TENM4: variants seen among roughly 807,000 people sequenced by gnomAD.
TENM4 encodes teneurin-4.
A neutral mutation model predicts 243.3 loss-of-function variants in TENM4; 82 were observed. That is an observed-to-expected ratio of 0.34 (90% CI 0.28 to 0.40). The LOEUF is 0.40. Among genes scored for constraint, TENM4 ranks in the 10% least tolerant of loss-of-function variants. TENM4 has a pLI of 1.00. For synonymous variants in TENM4, 1,412 were observed against 1,456.3 expected, an observed-to-expected ratio of 0.97 and a Z score of 0.69; for missense variants, 3,138 against 3,673.3, an observed-to-expected ratio of 0.85 and a Z score of 3.77.
At chr11:79,081,592 A>C (rs552642825) in intron 4 of TENM4, among the ~76,000 whole-genome samples, 2 of 150,030 alleles carry the variant, frequency 1.3e-5, no homozygotes, top group East Asian at 4.0e-4. Flanking sequence ...CTGCTGGCCC[A>C]CTGCTGTGAT....
At chr11:78,811,891 T>C (rs138545623) in intron 14 of TENM4, among the ~76,000 whole-genome samples, 1 of 152,334 alleles carries the variant, frequency 6.6e-6, no homozygotes, top group African/African-American at 2.4e-5. Flanking sequence ...GCCCCGTATA[T>C]GGTAAGTGCT....
At chr11:79,136,828 C>T (rs1273931068) in intron 4 of TENM4, among the ~76,000 whole-genome samples, 3 of 152,186 alleles carry the variant, frequency 2.0e-5, no homozygotes, top group African/African-American at 7.2e-5. Context: ...ATGGAATTCA[C>T]TGGTCTTACC....
chr11:79,112,383 G>A (rs1029567789), intron 4 of TENM4, among the ~76,000 whole-genome samples: 2 of 152,138 alleles, frequency 1.3e-5, no homozygotes, highest in Admixed American at 1.3e-4. Context: ...CTGGTTGTAA[G>A]CCCTGCTCAG....
At chr11:79,139,796 TAAA>T (rs1565220911) in intron 4 of TENM4, among the ~76,000 whole-genome samples, 19 of 123,322 alleles carry the variant, frequency 1.5e-4, no homozygotes, top group African/African-American at 5.6e-4. Flanking sequence ...TATATTTATA[TAAA>T]TATATAATAT....
intron 1 of TENM4, among the ~76,000 whole-genome samples, chr11:79,364,437 C>T (rs544246582): frequency 6.6e-6 from 1 of 152,290 alleles, no homozygotes; most frequent in Non-Finnish European, 1.5e-5. Context: ...TCCCCAAAAC[C>T]CCCAGATGTC....
chr11:79,437,701 C>A (rs1348275972), intron 1 of TENM4, among the ~76,000 whole-genome samples: 1 of 152,156 alleles, frequency 6.6e-6, no homozygotes, highest in Non-Finnish European at 1.5e-5. Context: ...AGCTGGGATG[C>A]GCGGGCCCGG....
intron 27 of TENM4, among the ~76,000 whole-genome samples, chr11:78,707,972 C>G (rs541706132): frequency 6.6e-6 from 1 of 152,224 alleles, no homozygotes; most frequent in Non-Finnish European, 1.5e-5. Flanking sequence ...TGGTTACTGA[C>G]AGCATTTCTG....
rs369962650 is a variant in TENM4, at chr11:78,828,200, T to C, written c.1682-13805A>G. On this transcript the variant is annotated intron_variant, in intron 12 of 33. Transcript: ENST00000278550. ...TTACTTCCTTGCTGATTTCTGTTTT[T>C]TCAAATTCCCTTTTTATAAATTGTT... is the stretch of plus-strand genomic sequence containing the variant. Among the ~76,000 whole-genome samples, 9 of 152,372 alleles carry C rather than the reference T, an allele frequency of 5.9e-5. No individual in the cohort carries two copies. The South Asian group carries it at 1.2e-3, about 21-fold the overall frequency.
At chr11:78,686,492 T>C (rs987245541) in intron 29 of TENM4, among the ~76,000 whole-genome samples, 3 of 149,618 alleles carry the variant, frequency 2.0e-5, no homozygotes, top group African/African-American at 5.0e-5. Context: ...GCCAGTCAGA[T>C]AGAAGTTCCA....
At chr11:79,402,544 C>T (rs1390809930) in intron 1 of TENM4, among the ~76,000 whole-genome samples, 2 of 152,190 alleles carry the variant, frequency 1.3e-5, no homozygotes, top group Non-Finnish European at 2.9e-5. Flanking sequence ...CTCCAGGCTA[C>T]TGACACCTGT....
At chr11:79,305,780 G>A (rs1198599266) in intron 1 of TENM4, among the ~76,000 whole-genome samples, 1 of 152,220 alleles carries the variant, frequency 6.6e-6, no homozygotes, top group Non-Finnish European at 1.5e-5. Context: ...ATGAGGCTAG[G>A]AGGGAAGCTG....
intron 4 of TENM4, among the ~76,000 whole-genome samples, chr11:79,084,843 C>G (rs888321973): frequency 6.6e-6 from 1 of 152,120 alleles, no homozygotes; most frequent in Non-Finnish European, 1.5e-5. Context: ...GAAGTAAACA[C>G]GCACATGCAT....
Position 78,771,062 on chromosome 11 carries a change from C to T in TENM4, c.2469G>A (p.Leu823=). Residue 823 remains leucine, a synonymous_variant, in exon 18 of 34, where the codon CTG becomes CTA. Coordinates refer to ENST00000278550, the MANE Select transcript of TENM4 (RefSeq NM_001098816.3). ...DLNGWHCVCQ[L]GWRGAGCDTS... ...TGTCACAGCCAGCTCCTCTCCAGCC[C>T]AGCTGGCAGACGCAGTGCCAACCAT... is the stretch of plus-strand genomic sequence containing the variant. 1.3e-6 allele frequency: 2 copies of T among 1,579,638 alleles called. No homozygotes were observed. Among genetic ancestry groups the T allele is most frequent in the African/African-American group, 1.3e-5 (1 of 74,238 alleles).
At chr11:78,686,616 T>C (rs1453907631) in intron 29 of TENM4, among the ~76,000 whole-genome samples, 6 of 152,144 alleles carry the variant, frequency 3.9e-5, no homozygotes, top group Admixed American at 2.0e-4. Context: ...TCCAGGTAGA[T>C]AGTGTTGGAA....
intron 13 of TENM4, among the ~76,000 whole-genome samples, chr11:78,813,781 G>A (rs114854300): frequency 0.017 from 2,603 of 152,256 alleles, 106 homozygotes; most frequent in African/African-American, 0.06. Flanking sequence ...CACCATTAGG[G>A]TCCTCTGTGG....
rs906918310 is a variant in TENM4 at position 78,913,356 on chromosome 11, C to T, written c.494-9833G>A. On this transcript the variant is annotated intron_variant, in intron 6 of 33. Transcript: ENST00000278550. Reference sequence around the variant, plus strand: ...AACAGGCAGATTTTGTTGGGAAAGGCCAGCTGCAGCCGGAGGGGTGGGATC... The same window carrying T: ...AACAGGCAGATTTTGTTGGGAAAGGTCAGCTGCAGCCGGAGGGGTGGGATC... 7.9e-5 allele frequency among the ~76,000 whole-genome samples: 12 copies of T among 152,246 alleles called. No individual in the cohort carries two copies. In the East Asian group the frequency reaches 9.7e-4, roughly 12 times the overall value.
intron 4 of TENM4, among the ~76,000 whole-genome samples, chr11:79,118,642 A>G (rs1382096015): frequency 6.6e-6 from 1 of 152,202 alleles, no homozygotes; most frequent in Non-Finnish European, 1.5e-5. Context: ...TTAAAAGTGG[A>G]ATCATACATC....
intron 6 of TENM4, among the ~76,000 whole-genome samples, chr11:79,059,259 C>G (rs1860025622): frequency 6.6e-6 from 1 of 152,088 alleles, no homozygotes; most frequent in Non-Finnish European, 1.5e-5. Context: ...TTCCCCAGAC[C>G]CATCATGCTT....
chr11:78,929,803 A>T (rs923235719), intron 6 of TENM4, among the ~76,000 whole-genome samples: 1 of 152,164 alleles, frequency 6.6e-6, no homozygotes, highest in Admixed American at 6.5e-5. Context: ...TTGGTGCAAA[A>T]TGTGCCTTTT....
Sources: allele counts gnomAD v4.1 joint callset (sites outside exome capture counted in the v4.1 genomes callset), GRCh38; gene constraint gnomAD v4.1.1; transcripts MANE v1.5; gene names NCBI Gene and HGNC (gene_info 2026-07-23, HGNC 2026-07-21).